HUWE1: variants seen among roughly 807,000 people sequenced by gnomAD.
HUWE1 encodes the protein E3 ubiquitin-protein ligase HUWE1.
In HUWE1, 18 loss-of-function variants were observed where a neutral mutation model predicts 299.4. The observed-to-expected ratio is 0.06, with a 90% CI of 0.04 to 0.09. The LOEUF (loss-of-function observed/expected upper bound fraction) is 0.09, where lower values mean the gene tolerates loss of function less well. HUWE1 is among the 10% of genes least tolerant of loss of function. The pLI is 1.00. For synonymous variants in HUWE1, 1,317 were observed against 1,286.1 expected (o/e 1.02, Z -0.51); for missense variants, 1,832 against 3,462.3 (o/e 0.53, Z 11.82).
At chrX:53,607,296 G>A (rs2065201244) in intron 25 of HUWE1, among the ~76,000 whole-genome samples, 2 of 111,888 alleles carry the variant, frequency 1.8e-5, no homozygotes, top group South Asian at 7.4e-4. Context: ...CTCTAATGAT[G>A]TAGAACTACA....
intron 78 of HUWE1, chrX:53,537,119 T>A: frequency 4.4e-6 from 1 of 228,699 alleles, no homozygotes; most frequent in Non-Finnish European, 8.0e-6. Flanking sequence ...TGGGGAGGAA[T>A]CATTAAACAA....
At chrX:53,638,051 T>G (rs2067329584) in intron 7 of HUWE1, among the ~76,000 whole-genome samples, 2 of 111,767 alleles carry the variant, frequency 1.8e-5, no homozygotes, top group Non-Finnish European at 3.8e-5. Context: ...AAAACGAACA[T>G]GACCATGCTC....
At chrX:53,541,066 T>C (rs2061323261) in intron 74 of HUWE1, among the ~76,000 whole-genome samples, 1 of 112,296 alleles carries the variant, frequency 8.9e-6, no homozygotes, top group Admixed American at 9.4e-5. Context: ...ACAAGAATAC[T>C]ATTCCATGGG....
chrX:53,674,559 G>T (rs955828182), intron 3 of HUWE1, among the ~76,000 whole-genome samples: 1 of 112,178 alleles, frequency 8.9e-6, no homozygotes, highest in African/African-American at 3.2e-5. Context: ...TTCATTTGGG[G>T]TACGTTTAAC....
At chrX:53,664,319 C>T (rs2069147664) in intron 3 of HUWE1, among the ~76,000 whole-genome samples, 1 of 112,303 alleles carries the variant, frequency 8.9e-6, no homozygotes, top group South Asian at 3.6e-4. Context: ...TCCCAAAGTG[C>T]TGAGATTACA....
At chrX:53,620,911 T>A (rs1447003623) in intron 19 of HUWE1, among the ~76,000 whole-genome samples, 1 of 111,465 alleles carries the variant, frequency 9.0e-6, no homozygotes, top group African/African-American at 3.3e-5. Flanking sequence ...GCAGAAGGTC[T>A]CTGCCAAAGT....
At chrX:53,601,665 ATTTT>A (rs34074990) in intron 28 of HUWE1, among the ~76,000 whole-genome samples, 1 of 93,749 alleles carries the variant, frequency 1.1e-5, no homozygotes, top group African/African-American at 3.8e-5. Context: ...GAAATTTGGA[ATTTT>A]TTTTTTTTTT....
intron 23 of HUWE1, among the ~76,000 whole-genome samples, chrX:53,612,884 G>A (rs1320928764): frequency 8.9e-6 from 1 of 111,823 alleles, no homozygotes; most frequent in Non-Finnish European, 1.9e-5. Context: ...CTGATTAACT[G>A]TGTCAGCTTG....
chrX:53,615,609 G>A (rs926294292), intron 22 of HUWE1, 135 bp downstream of exon 22: 6 of 510,189 alleles, frequency 1.2e-5, no homozygotes, highest in African/African-American at 2.3e-5. Flanking sequence ...CTAAGGACAT[G>A]GAAACAATGA....
At position 53,565,256 on chromosome X, in the gene HUWE1, T is replaced by C; in HGVS notation, c.6708-17A>G. On this transcript the variant is annotated splice_polypyrimidine_tract_variant and intron_variant, in intron 49 of 83. Coordinates refer to ENST00000262854, the MANE Select transcript of HUWE1 (RefSeq NM_031407.7). Reference sequence around the variant, plus strand: ...ATGTTGGGACTGAGATAAGGGAAGATAAAGAGATGGACTGAGCACAGAAAT... The same window carrying C: ...ATGTTGGGACTGAGATAAGGGAAGACAAAGAGATGGACTGAGCACAGAAAT... 1 of 1,183,663 alleles carries C rather than the reference T, an allele frequency of 8.4e-7. No homozygotes were observed. The highest frequency in any genetic ancestry group is 1.1e-6 in the Non-Finnish European group (1 of 873,679).
At chrX:53,637,697 T>C (rs2067303836) in intron 7 of HUWE1, among the ~76,000 whole-genome samples, 1 of 112,527 alleles carries the variant, frequency 8.9e-6, no homozygotes, top group African/African-American at 3.2e-5. Flanking sequence ...CGAAAGTCTG[T>C]GCTGTTGTTA....
chrX:53,618,880 G>GA (rs1273181016), intron 19 of HUWE1, among the ~76,000 whole-genome samples: 168 of 94,363 alleles, frequency 1.8e-3, no homozygotes, highest in Middle Eastern at 5.5e-3. Context: ...TTTAAAAGGG[G>GA]AAAAAAAAAA....
In HUWE1 at chrX:53,576,592, A is replaced by G. The variant is rs181783008; in HGVS notation, c.5884+308T>C. 1.4e-3 allele frequency among the ~76,000 whole-genome samples: 158 copies of G among 112,241 alleles called. 1 individual carries two copies. Among genetic ancestry groups the G allele is most frequent in the Non-Finnish European group, 2.7e-3 (141 of 53,166 alleles). On this transcript the variant is annotated intron_variant, in intron 44 of 83. Coordinates refer to ENST00000262854, the MANE Select transcript of HUWE1 (RefSeq NM_031407.7). ...TCCCCCGTATGGTGTGTATTCTCAT[A>G]TAACAGAACTCTGGCAATCTCATCC...
chrX:53,640,350 A>C (rs1238223922), intron 7 of HUWE1, among the ~76,000 whole-genome samples: 1 of 111,266 alleles, frequency 9.0e-6, no homozygotes, highest in Non-Finnish European at 1.9e-5. Flanking sequence ...ATGGAGTGAG[A>C]CTCTGTCTCA....
At chrX:53,645,739 ATATATAT>A (rs2067976106) in intron 6 of HUWE1, among the ~76,000 whole-genome samples, 433 of 19,893 alleles carry the variant, frequency 0.022, 16 homozygotes, top group East Asian at 0.066. Context: ...AAAAAAAAAT[ATATATAT>A]ATATATATAT....
intron 3 of HUWE1, among the ~76,000 whole-genome samples, chrX:53,671,778 C>T (rs1347618726): frequency 2.6e-5 from 2 of 75,939 alleles, no homozygotes; most frequent in Non-Finnish European, 4.5e-5. Flanking sequence ...TGGGCGACAG[C>T]GAGACTCCGT....
chrX:53,546,258 G>C, intron 70 of HUWE1, among the ~76,000 whole-genome samples, 178 bp downstream of exon 70: 1 of 111,631 alleles, frequency 9.0e-6, no homozygotes, highest in East Asian at 2.8e-4. Context: ...CAACTGAGCA[G>C]AGGAAAACAG....
chrX:53,551,561 GAGTGT>G (rs1339865520), intron 63 of HUWE1, 81 bp from the exon 64 acceptor site: 2 of 896,940 alleles, frequency 2.2e-6, no homozygotes, highest in Non-Finnish European at 3.2e-6. Flanking sequence ...GCCCAGGCTG[GAGTGT>G]AGTGGTGCAA....
rs186254464 is a variant in HUWE1, at chrX:53,614,849, A to G, written c.2050-104T>C. The G allele has an allele frequency of 3.9e-4, 212 of 544,587 alleles. 6 individuals carry two copies. Among genetic ancestry groups the G allele is most frequent in the East Asian group, 2.1e-3 (59 of 27,839 alleles). 44.9% of individuals were successfully genotyped at this position (544,587 alleles called of 1,213,427 possible). A position where few individuals can be genotyped will look rare whatever the true frequency, so the allele number is the denominator to read the frequency against. On this transcript the variant is annotated intron_variant, in intron 22 of 83. Transcript: ENST00000262854. ...TTTTCTATGTGTTGTGTATTTGCCC[A>G]AACACTTTGTATACATGTTATATAC...
Sources: allele counts gnomAD v4.1 joint callset (sites outside exome capture counted in the v4.1 genomes callset), GRCh38; gene constraint gnomAD v4.1.1; transcripts MANE v1.5; gene names NCBI Gene and HGNC (gene_info 2026-07-23, HGNC 2026-07-21).